The following BCAS3 variants were observed in gnomAD, a reference collection of about 807,000 sequenced individuals.
BCAS3 encodes BCAS4/BCAS3 fusion.
In BCAS3, 53 loss-of-function variants were observed where a neutral mutation model predicts 116.1. That is an observed-to-expected ratio of 0.46 (90% CI 0.37 to 0.57). BCAS3 has a LOEUF of 0.57. Among genes scored for constraint, BCAS3 ranks in the 20% least tolerant of loss-of-function variants. BCAS3 has a pLI of 0.00. For synonymous variants in BCAS3, 391 were observed against 408.2 expected (o/e 0.96, Z 0.51); for missense variants, 917 against 1,165.4 (o/e 0.79, Z 3.10).
At chr17:61,277,725 A>T (rs1281950432) in intron 22 of BCAS3, among the ~76,000 whole-genome samples, 1 of 152,228 alleles carries the variant, frequency 6.6e-6, no homozygotes, top group Non-Finnish European at 1.5e-5. Context: ...CACAATGGCC[A>T]ATAATCACGT....
At chr17:60,781,796 T>C (rs2045859568) in intron 6 of BCAS3, among the ~76,000 whole-genome samples, 1 of 152,222 alleles carries the variant, frequency 6.6e-6, no homozygotes, top group Non-Finnish European at 1.5e-5. Flanking sequence ...CATTTTTTCC[T>C]ACGTTAGTTA....
intron 10 of BCAS3, 82 bp downstream of exon 10, chr17:60,889,853 G>C (rs2057015024): frequency 8.1e-7 from 1 of 1,238,234 alleles, no homozygotes; most frequent in Admixed American, 2.0e-5. Flanking sequence ...GTGCTCCATA[G>C]TTGATTACCA....
At chr17:60,777,354 G>A (rs2045400538) in intron 6 of BCAS3, among the ~76,000 whole-genome samples, 1 of 152,168 alleles carries the variant, frequency 6.6e-6, no homozygotes, top group Non-Finnish European at 1.5e-5. Flanking sequence ...GCCCAGCGTG[G>A]TGCCTCATGC....
At position 61,282,650 on chromosome 17, in the gene BCAS3, T is replaced by C. The variant is rs1020794765; in HGVS notation, c.2426-85677T>C. Among the ~76,000 whole-genome samples, 1 of 152,166 alleles carries C rather than the reference T, an allele frequency of 6.6e-6. No individual in the cohort carries two copies. The highest frequency in any genetic ancestry group is 2.4e-5 in the African/African-American group (1 of 41,454). On this transcript the variant is annotated intron_variant, in intron 22 of 23. Transcript: ENST00000407086. This position sits in a 1 kb window ranked among gnomAD's most constrained non-coding sequence, Gnocchi z 5.9. ...TGGTCGTTGTTAATAAAACAGAGTA[T>C]CTGGGGTGTTTGAAAAAGAAGGAAG...
chr17:61,252,712 G>C (rs2048460073), intron 22 of BCAS3, among the ~76,000 whole-genome samples: 1 of 152,000 alleles, frequency 6.6e-6, no homozygotes. Context: ...TCTGCTTATA[G>C]ACAAGGACAT....
chr17:61,218,366 C>T (rs939870835), intron 22 of BCAS3, among the ~76,000 whole-genome samples: 5 of 152,110 alleles, frequency 3.3e-5, no homozygotes, highest in African/African-American at 1.2e-4. Context: ...TGGAAAATGC[C>T]CAAACCCCAG....
At chr17:61,182,860 G>A (rs1489830329) in intron 22 of BCAS3, among the ~76,000 whole-genome samples, 2 of 152,178 alleles carry the variant, frequency 1.3e-5, no homozygotes, top group African/African-American at 4.8e-5. Flanking sequence ...TTGTTCTTGT[G>A]GCCGTGGGCC....
intron 11 of BCAS3, among the ~76,000 whole-genome samples, chr17:60,908,482 T>G (rs1051151734): frequency 6.6e-5 from 10 of 152,172 alleles, no homozygotes; most frequent in African/African-American, 2.2e-4. Flanking sequence ...CCATTAGCAT[T>G]AATGGAGTGA....
chr17:60,679,249 C>T (rs1336554117), intron 1 of BCAS3, among the ~76,000 whole-genome samples: 1 of 152,010 alleles, frequency 6.6e-6, no homozygotes, highest in Non-Finnish European at 1.5e-5. Context: ...CCCCCCAAAC[C>T]CCTCATTATA....
chr17:61,043,416 G>A (rs1018719723), intron 19 of BCAS3, among the ~76,000 whole-genome samples: 8 of 151,936 alleles, frequency 5.3e-5, no homozygotes, highest in African/African-American at 1.9e-4. Flanking sequence ...ATGATTCTGT[G>A]GTTTCTCATA....
chr17:60,954,829 C>T (rs187285092), intron 14 of BCAS3, among the ~76,000 whole-genome samples: 7 of 152,148 alleles, frequency 4.6e-5, no homozygotes, highest in Non-Finnish European at 7.4e-5. Context: ...ACCAAAAATA[C>T]ATACAATGCA....
chr17:60,959,309 A>G (rs2145298629), intron 14 of BCAS3, among the ~76,000 whole-genome samples: 1 of 152,246 alleles, frequency 6.6e-6, no homozygotes, highest in African/African-American at 2.4e-5. Flanking sequence ...CCTGTCTCAA[A>G]AAAAAAATTT....
intron 11 of BCAS3, 44 bp from the exon 12 acceptor site, chr17:60,910,488 C>T (rs1465501250): frequency 2.1e-6 from 3 of 1,443,664 alleles, no homozygotes; most frequent in Non-Finnish European, 2.8e-6. Context: ...ATGTAGAATC[C>T]AAATACTGAT....
chr17:60,926,570 A>T (rs1483573712), intron 13 of BCAS3, among the ~76,000 whole-genome samples: 1 of 152,196 alleles, frequency 6.6e-6, no homozygotes, highest in African/African-American at 2.4e-5. Flanking sequence ...ATTTATTGAA[A>T]TTCTGTGAGT....
chr17:60,836,557 A>G (rs1038343568), intron 7 of BCAS3, among the ~76,000 whole-genome samples: 4 of 152,196 alleles, frequency 2.6e-5, no homozygotes, highest in Admixed American at 6.5e-5. Context: ...AAAAGAAAAA[A>G]TGGAAAATAT....
At chr17:61,079,744 C>T (rs371977427) in intron 21 of BCAS3, among the ~76,000 whole-genome samples, 4 of 151,826 alleles carry the variant, frequency 2.6e-5, no homozygotes, top group South Asian at 2.1e-4. Context: ...GACAGGCGCC[C>T]GCCACCAGAC....
chr17:60,769,947 G>A (rs1052325546), intron 6 of BCAS3, among the ~76,000 whole-genome samples: 1 of 151,756 alleles, frequency 6.6e-6, no homozygotes, highest in Admixed American at 6.6e-5. Context: ...GCTAATTTTT[G>A]TATTTTTAGT....
In BCAS3 at chr17:61,180,052, G is replaced by T. The variant is rs71373869; in HGVS notation, c.2425+95488G>T. Among the ~76,000 whole-genome samples, 1,162 of 152,036 alleles carry T rather than the reference G, an allele frequency of 7.6e-3. 8 individuals are homozygous for T. The highest frequency in any genetic ancestry group is 0.012 in the Non-Finnish European group (824 of 67,962). On this transcript the variant is annotated intron_variant, in intron 22 of 23. Coordinates refer to ENST00000407086, the MANE Select transcript of BCAS3 (RefSeq NM_017679.5). The surrounding 1 kb of genome is among the most constrained non-coding windows in gnomAD (Gnocchi z 6.0). ...AAGCTGTAGCGACCTGGGACTTTTT[G>T]TTAGAGACACATACACAGAGTTTCT...
intron 5 of BCAS3, among the ~76,000 whole-genome samples, chr17:60,719,045 G>A (rs150501259): frequency 0.031 from 4,729 of 152,216 alleles, 236 homozygotes; most frequent in African/African-American, 0.1. Flanking sequence ...CTGGGCGACA[G>A]AGCGAGGCTC....
Sources: allele counts gnomAD v4.1 joint callset (sites outside exome capture counted in the v4.1 genomes callset), GRCh38; gene constraint gnomAD v4.1.1; non-coding constraint Gnocchi (gnomAD v3.1); transcripts MANE v1.5; gene names NCBI Gene and HGNC (gene_info 2026-07-23, HGNC 2026-07-21).